Variants in SLC8A1 observed in about 807,000 individuals in gnomAD.
The protein encoded by SLC8A1 is solute carrier family 8 member A1.
SLC8A1 carries 18 observed loss-of-function variants against 68.3 expected under a neutral mutation model. The observed-to-expected ratio is 0.26, with a 90% CI of 0.18 to 0.39. SLC8A1 has a LOEUF of 0.39. Ranked by LOEUF, SLC8A1 falls within the 10% of genes least tolerant of loss-of-function variation. The pLI, the probability that SLC8A1 is intolerant of heterozygous loss-of-function variation, is 1.00. For synonymous variants in SLC8A1, 475 were observed against 415.5 expected (o/e 1.14, Z -1.74); for missense variants, 985 against 1,156.7 (o/e 0.85, Z 2.15).
chr2:40,250,228 T>C (rs755672431), intron 2 of SLC8A1: 1 of 152,214 alleles, frequency 6.6e-6, no homozygotes, highest in Non-Finnish European at 1.5e-5. Flanking sequence ...AGAACAGGAT[T>C]TTGGAATTAA....
chr2:40,493,383 T>G (rs1705459044), intron 1 of SLC8A1, among the ~76,000 whole-genome samples: 1 of 149,378 alleles, frequency 6.7e-6, no homozygotes, highest in Non-Finnish European at 1.5e-5. Context: ...CTTTAGGAGA[T>G]ATACCTAGTG....
intron 4 of SLC8A1, among the ~76,000 whole-genome samples, chr2:40,172,330 G>C (rs2047642725): frequency 6.6e-6 from 1 of 152,132 alleles, no homozygotes; most frequent in African/African-American, 2.4e-5. Context: ...CCCAAGTTTT[G>C]GAACATTCTC....
intron 2 of SLC8A1, among the ~76,000 whole-genome samples, chr2:40,211,429 A>T (rs912993218): frequency 2.0e-5 from 3 of 152,242 alleles, no homozygotes; most frequent in Non-Finnish European, 4.4e-5. Flanking sequence ...TTAGAGCTAA[A>T]GGTATAGATG....
At chr2:40,480,821 C>T (rs1425437519) in intron 1 of SLC8A1, among the ~76,000 whole-genome samples, 1 of 152,176 alleles carries the variant, frequency 6.6e-6, no homozygotes, top group African/African-American at 2.4e-5. Context: ...CGACGTTATA[C>T]AGGCTAATTC....
At chr2:40,343,588 T>G (rs1280714725) in intron 2 of SLC8A1, among the ~76,000 whole-genome samples, 2 of 152,222 alleles carry the variant, frequency 1.3e-5, no homozygotes, top group East Asian at 3.8e-4. Flanking sequence ...TTAGGATCTG[T>G]AAGATTAAAT....
chr2:40,167,735 A>G (rs1429053352), intron 4 of SLC8A1, among the ~76,000 whole-genome samples: 1 of 152,208 alleles, frequency 6.6e-6, no homozygotes, highest in Admixed American at 6.5e-5. Flanking sequence ...CTGGCAGGAA[A>G]TAACTCCCTA....
At chr2:40,479,276 T>C (rs936038500) in intron 1 of SLC8A1, among the ~76,000 whole-genome samples, 14 of 152,210 alleles carry the variant, frequency 9.2e-5, no homozygotes, top group Admixed American at 1.3e-4. Flanking sequence ...TGTCAAAATT[T>C]GTATCTTTTG....
chr2:40,323,133 A>C (rs2075401904), intron 2 of SLC8A1, among the ~76,000 whole-genome samples: 1 of 152,200 alleles, frequency 6.6e-6, no homozygotes. Context: ...TCACATAGGC[A>C]ACTATAATGC....
At chr2:40,233,067 ATG>A (rs913265271) in intron 2 of SLC8A1, among the ~76,000 whole-genome samples, 1 of 152,110 alleles carries the variant, frequency 6.6e-6, no homozygotes, top group Non-Finnish European at 1.5e-5. Context: ...ATACGTGTGC[ATG>A]TGTCTTTATA....
At chr2:40,428,372 C>G in intron 2 of SLC8A1, 101 bp downstream of exon 2, 1 of 1,412,618 alleles carries the variant, frequency 7.1e-7, no homozygotes, top group East Asian at 2.6e-5. Context: ...TCCTTGCATG[C>G]TATTTAATTT....
rs1443234967 is a variant in SLC8A1 at position 40,322,297 on chromosome 2, C to A, written c.1808+106176G>T. On this transcript the variant is annotated intron_variant, in intron 2 of 7. Transcript: ENST00000406785. ...TCATTCCATGGAACCACCCCAATAT[C>A]TTCAACTCAGTAGGTAATCCATATA... Among the ~76,000 whole-genome samples, 3 of 151,912 alleles carry A rather than the reference C, an allele frequency of 2.0e-5. No homozygotes were observed. In the East Asian group the frequency reaches 5.8e-4, roughly 29 times the overall value.
chr2:40,499,974 G>T (rs904162926), intron 1 of SLC8A1, among the ~76,000 whole-genome samples: 2 of 152,018 alleles, frequency 1.3e-5, no homozygotes, highest in Non-Finnish European at 2.9e-5. Context: ...GTGGGAAAAG[G>T]CTTCTTTCTA....
intron 2 of SLC8A1, among the ~76,000 whole-genome samples, chr2:40,270,118 G>A (rs114715510): frequency 6.6e-6 from 1 of 152,158 alleles, no homozygotes; most frequent in Non-Finnish European, 1.5e-5. Flanking sequence ...GCATAAGGAA[G>A]GGCATAAAGC....
At chr2:40,383,176 T>C (rs767425015) in intron 2 of SLC8A1, among the ~76,000 whole-genome samples, 37 of 152,124 alleles carry the variant, frequency 2.4e-4, no homozygotes, top group Non-Finnish European at 4.9e-4. Flanking sequence ...AGACACGTTG[T>C]AGATAATAAA....
rs181936573 is a variant in SLC8A1 at position 40,389,641 on chromosome 2, C to G, written c.1808+38832G>C. Among the ~76,000 whole-genome samples, 57 of 152,018 alleles carry G rather than the reference C, an allele frequency of 3.7e-4. No homozygotes were observed. The East Asian group carries it at 0.01, about 27-fold the overall frequency. On this transcript the variant is annotated intron_variant, in intron 2 of 7. Coordinates refer to ENST00000406785, the Ensembl canonical transcript of SLC8A1. ...ACTGAATGAGCCACGAAAATTACCC[C>G]CATTCCCATGTTACTGCCTTTCCAA...
At chr2:40,392,062 G>T (rs970447143) in intron 2 of SLC8A1, among the ~76,000 whole-genome samples, 1 of 71,674 alleles carries the variant, frequency 1.4e-5, no homozygotes, top group Non-Finnish European at 2.6e-5. Flanking sequence ...AAATAAGAAG[G>T]AAGGAGAAGG....
chr2:40,189,504 A>C (rs940009944), intron 2 of SLC8A1, among the ~76,000 whole-genome samples: 16 of 152,092 alleles, frequency 1.1e-4, no homozygotes, highest in Admixed American at 6.6e-5. Flanking sequence ...TATTTTTAGT[A>C]GAGACAGGGT....
chr2:40,192,746 T>A (rs1196692522), intron 2 of SLC8A1, among the ~76,000 whole-genome samples: 2 of 152,198 alleles, frequency 1.3e-5, no homozygotes, highest in African/African-American at 2.4e-5. Flanking sequence ...TACTTTTTTT[T>A]ATTGAGTTAT....
chr2:40,130,824 A>G lies in SLC8A1; in HGVS notation c.2437+8577T>C, dbSNP rs143214326. 1.0e-3 allele frequency among the ~76,000 whole-genome samples: 159 copies of G among 152,334 alleles called. 1 individual carries two copies. The highest frequency in any genetic ancestry group is 3.6e-3 in the African/African-American group (149 of 41,576). ...ACTGGCTATCTGACTTGAAATGTCA[A>G]TGTTGAGAGGAGAAAGCTCATGGTC... is the stretch of plus-strand genomic sequence containing the variant. On this transcript the variant is annotated intron_variant, in intron 7 of 7. Coordinates refer to ENST00000406785, the Ensembl canonical transcript of SLC8A1.
Sources: allele counts gnomAD v4.1 joint callset (sites outside exome capture counted in the v4.1 genomes callset), GRCh38; gene constraint gnomAD v4.1.1; transcripts MANE v1.5; gene names NCBI Gene and HGNC (gene_info 2026-07-23, HGNC 2026-07-21).